The following PRKCE variants were observed in gnomAD, a reference collection of about 807,000 sequenced individuals.
The protein encoded by PRKCE is protein kinase C epsilon, also known as protein kinase C epsilon type.
PRKCE carries 16 observed loss-of-function variants against 85.4 expected under a neutral mutation model. The observed-to-expected ratio is 0.19, with a 90% CI of 0.13 to 0.28. The LOEUF is 0.28. Ranked by LOEUF, PRKCE falls within the 10% of genes least tolerant of loss-of-function variation. The pLI is 1.00. For missense variants in PRKCE, 573 were observed against 975.2 expected, an observed-to-expected ratio of 0.59 and a Z score of 5.49; for synonymous variants, 388 against 371.5, an observed-to-expected ratio of 1.04 and a Z score of -0.51.
intron 2 of PRKCE, among the ~76,000 whole-genome samples, chr2:45,970,392 A>G (rs1422636571): frequency 1.3e-5 from 2 of 152,148 alleles, no homozygotes; most frequent in East Asian, 3.9e-4. Context: ...ATATATTTCA[A>G]TTTGTTGATA....
At chr2:46,053,476 T>C (rs889141987) in intron 10 of PRKCE, among the ~76,000 whole-genome samples, 21 of 152,148 alleles carry the variant, frequency 1.4e-4, no homozygotes, top group African/African-American at 5.1e-4. Context: ...AAACGAAAAC[T>C]TTATGCCCAT....
At chr2:45,758,795 T>C (rs992649293) in intron 1 of PRKCE, among the ~76,000 whole-genome samples, 1 of 152,214 alleles carries the variant, frequency 6.6e-6, no homozygotes, top group East Asian at 1.9e-4. Context: ...GCTCAATAAA[T>C]TTTTGTTGAC....
chr2:45,752,535 C>A (rs1189572373), intron 1 of PRKCE, among the ~76,000 whole-genome samples: 2 of 151,866 alleles, frequency 1.3e-5, no homozygotes, highest in East Asian at 1.9e-4. Flanking sequence ...TATGACGTTA[C>A]GGTGATCACT....
At chr2:45,748,653 G>A (rs1178254997) in intron 1 of PRKCE, among the ~76,000 whole-genome samples, 4 of 152,082 alleles carry the variant, frequency 2.6e-5, no homozygotes, top group African/African-American at 9.7e-5. Context: ...TCTAGTTTGG[G>A]TCTTCTCGGA....
chr2:46,170,537 A>T (rs146388868), intron 14 of PRKCE, among the ~76,000 whole-genome samples: 14 of 152,380 alleles, frequency 9.2e-5, no homozygotes, highest in African/African-American at 3.4e-4. Flanking sequence ...CAGTTAGAAC[A>T]ATTCCTGGCA....
At chr2:45,749,763 G>A (rs556629247) in intron 1 of PRKCE, among the ~76,000 whole-genome samples, 4 of 152,338 alleles carry the variant, frequency 2.6e-5, no homozygotes, top group Admixed American at 6.5e-5. Context: ...AATTGAACAT[G>A]AGTCTGCTTG....
At position 45,744,243 on chromosome 2, in the gene PRKCE, A is replaced by G. The variant is rs146130377; in HGVS notation, c.348+91795A>G. On this transcript the variant is annotated intron_variant, in intron 1 of 14. Transcript: ENST00000306156. ...GGCACAGGAAGCCAGGAAGCTCTCA[A>G]TCAATGGTAGTGGATGTTATTAGGA... Among the ~76,000 whole-genome samples the G allele has an allele frequency of 8.4e-3, 1,281 of 152,304 alleles. 15 individuals carry two copies. The highest frequency in any genetic ancestry group is 0.019 in the Admixed American group (297 of 15,302).
At chr2:46,030,566 G>T (rs1707446270) in intron 10 of PRKCE, among the ~76,000 whole-genome samples, 1 of 152,140 alleles carries the variant, frequency 6.6e-6, no homozygotes, top group African/African-American at 2.4e-5. Context: ...CCTCCCTCTT[G>T]CTGTTACTTC....
chr2:45,828,899 C>G (rs1208868388), intron 1 of PRKCE, among the ~76,000 whole-genome samples: 12 of 151,958 alleles, frequency 7.9e-5, no homozygotes, highest in Admixed American at 7.9e-4. Context: ...GCATATGTAC[C>G]TACCACATAC....
In PRKCE at chr2:46,041,811, G is replaced by A. The variant is rs370808350; in HGVS notation, c.1437+31294G>A. Among the ~76,000 whole-genome samples, 3 of 152,136 alleles carry A rather than the reference G, an allele frequency of 2.0e-5. No homozygotes were observed. Among genetic ancestry groups the A allele is most frequent in the African/African-American group, 4.8e-5 (2 of 41,428 alleles). ...GAGGAATTTGCCCTAAAACTGTTCT[G>A]CACGGCCAACAATTTGATGTTGAAA... On this transcript the variant is annotated intron_variant, in intron 10 of 14. Coordinates refer to ENST00000306156, the MANE Select transcript of PRKCE (RefSeq NM_005400.3). The surrounding 1 kb of genome is among the most constrained non-coding windows in gnomAD (Gnocchi z 5.5).
intron 1 of PRKCE, among the ~76,000 whole-genome samples, chr2:45,656,347 T>C (rs936185992): frequency 5.9e-5 from 9 of 152,254 alleles, no homozygotes; most frequent in East Asian, 3.9e-4. Flanking sequence ...TTCGGAAACA[T>C]TGGAGTAGGA....
At chr2:46,000,700 C>G (rs568239823) in intron 6 of PRKCE, among the ~76,000 whole-genome samples, 5 of 152,238 alleles carry the variant, frequency 3.3e-5, no homozygotes, top group African/African-American at 1.2e-4. Context: ...ACGACTGGGT[C>G]CCCCTTAGAG....
chr2:46,077,429 G>T (rs1027168364), intron 10 of PRKCE, among the ~76,000 whole-genome samples: 2 of 151,952 alleles, frequency 1.3e-5, no homozygotes, highest in Non-Finnish European at 2.9e-5. Context: ...AGAAAGAAAA[G>T]GAAAAAGAAA....
intron 11 of PRKCE, among the ~76,000 whole-genome samples, chr2:46,103,018 G>A (rs1671382241): frequency 1.3e-5 from 2 of 152,186 alleles, no homozygotes; most frequent in Admixed American, 6.5e-5. Context: ...CTCTGTGAGG[G>A]CAGAGTAGCA....
chr2:46,129,194 T>C (rs1352042686), intron 11 of PRKCE, among the ~76,000 whole-genome samples: 1 of 152,130 alleles, frequency 6.6e-6, no homozygotes, highest in Non-Finnish European at 1.5e-5. Flanking sequence ...GGCGCACTAG[T>C]AAAGGCTCAT....
intron 1 of PRKCE, among the ~76,000 whole-genome samples, chr2:45,677,320 G>GTT (rs1186479210): frequency 7.9e-6 from 1 of 126,330 alleles, no homozygotes; most frequent in East Asian, 2.5e-4. Context: ...GCCAGTGAAG[G>GTT]TTTTTTTTTT....
rs568351346 is a variant in PRKCE at position 45,906,751 on chromosome 2, G to C, written c.412+63688G>C. The stretch of plus-strand genomic sequence containing the variant: ...GTTGCTGCTGGCCCACCCTCCATCA[G>C]GCGGCAGCTCTGGGCATCAATGTGC... On this transcript the variant is annotated intron_variant, in intron 2 of 14. Coordinates refer to ENST00000306156, the MANE Select transcript of PRKCE (RefSeq NM_005400.3). 4.3e-4 allele frequency among the ~76,000 whole-genome samples: 66 copies of C among 152,348 alleles called. 1 individual carries two copies. Among genetic ancestry groups the C allele is most frequent in the South Asian group, 1.0e-3 (5 of 4,822 alleles).
At chr2:45,938,694 T>A (rs1459726364) in intron 2 of PRKCE, among the ~76,000 whole-genome samples, 1 of 151,876 alleles carries the variant, frequency 6.6e-6, no homozygotes. Flanking sequence ...ACTCATGGTA[T>A]CATGCCTTAT....
At chr2:46,150,035 A>C (rs1676463000) in intron 12 of PRKCE, among the ~76,000 whole-genome samples, 1 of 151,878 alleles carries the variant, frequency 6.6e-6, no homozygotes, top group South Asian at 2.1e-4. Context: ...TTTTTTTAAG[A>C]GACAGGGTCT....
Sources: allele counts gnomAD v4.1 joint callset (sites outside exome capture counted in the v4.1 genomes callset), GRCh38; gene constraint gnomAD v4.1.1; non-coding constraint Gnocchi (gnomAD v3.1); transcripts MANE v1.5; gene names NCBI Gene and HGNC (gene_info 2026-07-23, HGNC 2026-07-21).